The following PLA2G5 variants were observed in gnomAD, a reference collection of about 807,000 sequenced individuals.
PLA2G5 encodes the protein Ca2+-dependent phospholipase A2.
PLA2G5 carries 12 observed loss-of-function variants against 15.9 expected under a neutral mutation model. The observed-to-expected ratio is 0.76, with a 90% CI of 0.48 to 1.23. The LOEUF (loss-of-function observed/expected upper bound fraction) is 1.23. PLA2G5 is among the 50% of genes most tolerant of loss of function. PLA2G5 has a pLI of 0.00. For synonymous variants in PLA2G5, 71 were observed against 71.4 expected, an observed-to-expected ratio of 0.99 and a Z score of 0.03; for missense variants, 169 against 177.1, an observed-to-expected ratio of 0.95 and a Z score of 0.26.
intron 1 of PLA2G5, among the ~76,000 whole-genome samples, chr1:20,078,447 GAGA>G (rs1241062601): frequency 6.6e-6 from 1 of 152,062 alleles, no homozygotes; most frequent in Non-Finnish European, 1.5e-5. Flanking sequence ...GAAACTGGTT[GAGA>G]AGAAGAAACG....
Position 20,090,698 on chromosome 1 carries a change from C to T in PLA2G5, c.*6C>T, listed in dbSNP as rs766097942. 1.2e-6 allele frequency: 2 copies of T among 1,614,064 alleles called. No homozygotes were observed. The highest frequency in any genetic ancestry group is 4.5e-5 in the East Asian group (2 of 44,890). ...CCAACATCCTCTGCTCCTAGGCCTC[C>T]CCAGCGAGCTCCTCCCAGACCAAGA... On this transcript the variant is annotated 3_prime_UTR_variant, in exon 5 of 5. Coordinates refer to ENST00000375108, the MANE Select transcript of PLA2G5 (RefSeq NM_000929.3).
intron 2 of PLA2G5, among the ~76,000 whole-genome samples, chr1:20,061,586 CAAAA>C (rs35346493): frequency 4.4e-5 from 3 of 67,748 alleles, no homozygotes; most frequent in Non-Finnish European, 2.8e-5. Flanking sequence ...ACCCTGTCTC[CAAAA>C]AAAAAAAAAA....
chr1:20,071,794 T>G (rs2015389977), intron 1 of PLA2G5, among the ~76,000 whole-genome samples: 1 of 152,138 alleles, frequency 6.6e-6, no homozygotes, highest in Non-Finnish European at 1.5e-5. Flanking sequence ...AGCAAGACCT[T>G]TCTTGGCCAC....
chr1:20,072,218 A>G (rs6696512), intron 1 of PLA2G5, among the ~76,000 whole-genome samples: 43,625 of 151,932 alleles, frequency 0.29, 6,333 homozygotes, highest in East Asian at 0.36. Flanking sequence ...TCTCCATTTC[A>G]TCGATCACCA....
intron 1 of PLA2G5, chr1:20,076,815 G>A (rs944795611): frequency 2.0e-5 from 3 of 152,252 alleles, no homozygotes; most frequent in African/African-American, 7.2e-5. Context: ...CCAGAGACAG[G>A]TAAGCTCCCT....
intron 2 of PLA2G5, among the ~76,000 whole-genome samples, chr1:20,085,488 T>C (rs550889955): frequency 1.4e-3 from 214 of 152,208 alleles, no homozygotes; most frequent in African/African-American, 4.8e-3. Context: ...CTTCCCTCCA[T>C]GCCTCAGTTT....
At chr1:20,031,860 G>T (rs909769406) in intron 1 of PLA2G5, among the ~76,000 whole-genome samples, 40 of 152,304 alleles carry the variant, frequency 2.6e-4, no homozygotes, top group African/African-American at 9.1e-4. Context: ...TTGTTGTAGG[G>T]ACAGGGAGGT....
Position 20,087,643 on chromosome 1 carries a change from G to A in PLA2G5, c.185+1416G>A, listed in dbSNP as rs1477689133. Among the ~76,000 whole-genome samples the A allele has an allele frequency of 2.0e-5, 3 of 152,058 alleles. No homozygotes were observed. In the South Asian group the frequency reaches 6.2e-4, roughly 32 times the overall value. ...CAAGCACACTTAATGCCTAGATCTAGTTTCCAATGTCATTCTTCAATAGAA... is the reference window on the plus strand; with the variant it reads ...CAAGCACACTTAATGCCTAGATCTAATTTCCAATGTCATTCTTCAATAGAA... On this transcript the variant is annotated intron_variant, in intron 3 of 4. Transcript: ENST00000375108.
intron 1 of PLA2G5, among the ~76,000 whole-genome samples, chr1:20,055,486 G>T (rs538150554): frequency 1.3e-5 from 2 of 152,140 alleles, no homozygotes; most frequent in Non-Finnish European, 2.9e-5. Flanking sequence ...CTGCCCACTG[G>T]TCTTGATGAC....
intron 1 of PLA2G5, among the ~76,000 whole-genome samples, chr1:20,059,357 C>T (rs1479488337): frequency 2.0e-5 from 3 of 151,682 alleles, no homozygotes; most frequent in East Asian, 3.9e-4. Context: ...GAGCCTAGGA[C>T]ATCATGGCTG....
chr1:20,042,295 GT>G (rs937117333), intron 1 of PLA2G5, among the ~76,000 whole-genome samples: 46 of 152,164 alleles, frequency 3.0e-4, no homozygotes, highest in African/African-American at 1.0e-3. Context: ...TAAACCAAGT[GT>G]GATCAGGGTG....
chr1:20,053,526 G>T (rs1461433436), intron 1 of PLA2G5, among the ~76,000 whole-genome samples: 6 of 140,254 alleles, frequency 4.3e-5, no homozygotes, highest in African/African-American at 1.4e-4. Flanking sequence ...TTCTATTTTG[G>T]GTTCTATTCA....
intron 1 of PLA2G5, among the ~76,000 whole-genome samples, chr1:20,040,063 A>G (rs769839584): frequency 2.6e-5 from 4 of 151,952 alleles, no homozygotes; most frequent in Non-Finnish European, 5.9e-5. Context: ...TGTTCAAAAT[A>G]GACAAGAATA....
Position 20,050,438 on chromosome 1 carries a change from T to A in PLA2G5, n.277-9194T>A, listed in dbSNP as rs537489389. Among the ~76,000 whole-genome samples the A allele has an allele frequency of 8.5e-5, 13 of 152,272 alleles. No homozygotes were observed. In the East Asian group the frequency reaches 2.3e-3, roughly 27 times the overall value. ...GGCCAATTTTGAGAGATAAAATAAG[T>A]TCAGTTTCTCTATAAGTTAATCATT... On this transcript the variant is annotated intron_variant and non_coding_transcript_variant, in intron 1 of 6. Transcript: ENST00000460175.
At chr1:20,041,242 A>G (rs556008778) in intron 1 of PLA2G5, among the ~76,000 whole-genome samples, 5 of 152,320 alleles carry the variant, frequency 3.3e-5, no homozygotes, top group Admixed American at 3.3e-4. Context: ...CCAAATCAAT[A>G]GAACAATTTG....
intron 2 of PLA2G5, among the ~76,000 whole-genome samples, chr1:20,062,129 G>A (rs1299457829): frequency 3.3e-5 from 5 of 152,136 alleles, no homozygotes; most frequent in Admixed American, 2.0e-4. Context: ...CCGAGCATAC[G>A]CTGGCATCAT....
chr1:20,074,391 C>T (rs867047732), intron 1 of PLA2G5, among the ~76,000 whole-genome samples: 13 of 152,258 alleles, frequency 8.5e-5, no homozygotes, highest in Non-Finnish European at 1.8e-4. Flanking sequence ...CTCCATGTTA[C>T]GGAGCAACTG....
rs772703134 is a variant in PLA2G5 at position 20,086,182 on chromosome 1, A to G, written c.140A>G (p.Tyr47Cys). ...ACAAACTACGGCTTCTACGGCTGTT[A>G]CTGCGGCTGGGGCGGCCGAGGAACC... is the stretch of plus-strand genomic sequence containing the variant. Reference protein sequence around the residue: ...ALTNYGFYGCYCGWGGRGTPK... With the variant: ...ALTNYGFYGCCCGWGGRGTPK... The change falls in exon 3 of 5, where the codon TAC becomes TGC. Residue 47 changes from tyrosine to cysteine, a missense_variant. Coordinates refer to ENST00000375108, the MANE Select transcript of PLA2G5 (RefSeq NM_000929.3). The G allele has an allele frequency of 2.5e-6, 4 of 1,614,142 alleles. No individual in the cohort carries two copies. Among genetic ancestry groups the G allele is most frequent in the Admixed American group, 1.7e-5 (1 of 60,020 alleles).
At chr1:20,066,939 G>A (rs182262554), upstream of PLA2G5, among the ~76,000 whole-genome samples, 11 of 152,234 alleles carry the variant, frequency 7.2e-5, no homozygotes, top group East Asian at 1.9e-4. Context: ...TGAGTAGTTC[G>A]AGATGGTAGT....
Sources: allele counts gnomAD v4.1 joint callset (sites outside exome capture counted in the v4.1 genomes callset), GRCh38; gene constraint gnomAD v4.1.1; transcripts MANE v1.5; gene names NCBI Gene and HGNC (gene_info 2026-07-23, HGNC 2026-07-21).